C3orf22: variants seen among roughly 807,000 people sequenced by gnomAD.
C3orf22 encodes uncharacterized protein C3orf22.
A neutral mutation model predicts 10.8 loss-of-function variants in C3orf22; 7 were observed. The ratio of observed to expected loss-of-function variants is 0.65; its 90% CI spans 0.37 to 1.22. C3orf22 has a LOEUF of 1.22. Ranked by LOEUF, C3orf22 falls within the 50% of genes most tolerant of loss-of-function variation. C3orf22 has a pLI of 0.02. For synonymous variants in C3orf22, 79 were observed against 78.9 expected (o/e 1.00, Z 0.00); for missense variants, 173 against 177.0 (o/e 0.98, Z 0.13).
chr3:126,557,103 C>G (rs865932450), intron 1 of C3orf22, among the ~76,000 whole-genome samples: 13 of 152,288 alleles, frequency 8.5e-5, no homozygotes, highest in Middle Eastern at 3.4e-3. Context: ...TTCACACTCA[C>G]ACACAGACAC....
At chr3:126,532,271 T>A (rs1333571075) in intron 4 of C3orf22, among the ~76,000 whole-genome samples, 3 of 152,252 alleles carry the variant, frequency 2.0e-5, no homozygotes, top group Admixed American at 2.0e-4. Flanking sequence ...AATATTGATG[T>A]AGTTCAATTT....
intron 4 of C3orf22, chr3:126,529,377 G>T (rs956588536): frequency 7.8e-7 from 1 of 1,289,304 alleles, no homozygotes; most frequent in Non-Finnish European, 1.0e-6. Flanking sequence ...ACTTGCCTAC[G>T]GATGCCGCAA....
downstream of C3orf22, among the ~76,000 whole-genome samples, chr3:126,547,979 A>G (rs554312130): frequency 1.3e-5 from 2 of 152,292 alleles, no homozygotes; most frequent in Non-Finnish European, 2.9e-5. Context: ...TGTGGAGGGG[A>G]AAAAGTTGCA....
chr3:126,538,888 A>G (rs1936859869), intron 4 of C3orf22, among the ~76,000 whole-genome samples: 1 of 152,162 alleles, frequency 6.6e-6, no homozygotes, highest in African/African-American at 2.4e-5. Context: ...AAATGTAAGC[A>G]CATGACATGG....
At chr3:126,553,263 G>A (rs1395112522) in intron 2 of C3orf22, 39 bp downstream of exon 2, 2 of 1,422,726 alleles carry the variant, frequency 1.4e-6, no homozygotes, top group Non-Finnish European at 2.0e-6. Flanking sequence ...TGACCTGGGG[G>A]AGGCAGGGCT....
intron 4 of C3orf22, among the ~76,000 whole-genome samples, chr3:126,533,161 G>A (rs1219227769): frequency 1.3e-5 from 2 of 151,980 alleles, no homozygotes; most frequent in Admixed American, 1.3e-4. Flanking sequence ...TATATATACG[G>A]TTATGTCATC....
chr3:126,556,946 T>C (rs1937357166), intron 1 of C3orf22, among the ~76,000 whole-genome samples: 1 of 144,144 alleles, frequency 6.9e-6, no homozygotes, highest in East Asian at 2.1e-4. Context: ...ACTCACACAC[T>C]CATACACACA....
At chr3:126,552,887 T>A (rs1253678866) in intron 2 of C3orf22, among the ~76,000 whole-genome samples, 1 of 152,238 alleles carries the variant, frequency 6.6e-6, no homozygotes, top group Admixed American at 6.5e-5. Flanking sequence ...TCTGTCCTTA[T>A]GTGAAGTGCC....
At chr3:126,553,682 C>T (rs1937258307) in intron 1 of C3orf22, among the ~76,000 whole-genome samples, 1 of 152,218 alleles carries the variant, frequency 6.6e-6, no homozygotes, top group Non-Finnish European at 1.5e-5. Context: ...CTGTCCACAG[C>T]CCGGTTCCCC....
intron 4 of C3orf22, among the ~76,000 whole-genome samples, chr3:126,539,786 ACACACCACAGACAC>A (rs1936898034): frequency 1.3e-5 from 1 of 76,658 alleles, no homozygotes; most frequent in African/African-American, 5.8e-5. Flanking sequence ...CACACACACC[ACACACCACAGACAC>A]CACACCACAC....
downstream of C3orf22, chr3:126,549,668 C>A: frequency 1.3e-6 from 2 of 1,523,248 alleles, no homozygotes; most frequent in Non-Finnish European, 1.8e-6. Context: ...CTCAGGGAGG[C>A]AAAGTGATCA....
chr3:126,554,886 C>A (rs1174136124), intron 1 of C3orf22, among the ~76,000 whole-genome samples: 1 of 152,124 alleles, frequency 6.6e-6, no homozygotes, highest in Non-Finnish European at 1.5e-5. Context: ...CAGGTGGTGG[C>A]CTTTCTCTGG....
At chr3:126,555,938 C>T (rs1937318694) in intron 1 of C3orf22, among the ~76,000 whole-genome samples, 1 of 152,204 alleles carries the variant, frequency 6.6e-6, no homozygotes, top group Non-Finnish European at 1.5e-5. Context: ...TGAGGAATGT[C>T]TGCCTCCTCC....
chr3:126,547,279 A>G (rs758431208), downstream of C3orf22, among the ~76,000 whole-genome samples: 4 of 152,148 alleles, frequency 2.6e-5, no homozygotes, highest in Non-Finnish European at 4.4e-5. Context: ...CTTAGAGAGT[A>G]TTGCTGCACC....
In C3orf22 at chr3:126,552,077, C is replaced by T. The variant is rs1452278045; in HGVS notation, c.135G>A (p.Trp45Ter). 6.2e-7 allele frequency: 1 copy of T among 1,613,840 alleles called. No homozygotes were observed. The highest frequency in any genetic ancestry group is 1.3e-5 in the African/African-American group (1 of 74,904). Residue 45 changes from tryptophan (W) to a stop codon, truncating the protein, a stop_gained, in exon 3 of 4, where the codon TGG becomes TGA. Transcript: ENST00000318225. LOFTEE classifies it high-confidence loss of function. The stretch of plus-strand genomic sequence containing the variant: ...CCGTGTTCGAGTCGTTTGTGACCTC[C>T]CAGGGCTGCAGGGGCTCAGGGTCGG... Reference protein sequence around the residue: ...TEPDPEPLQPWEVTNDSNTVQ... With the variant: ...TEPDPEPLQP
At chr3:126,545,434 A>C (rs571635525), downstream of C3orf22, among the ~76,000 whole-genome samples, 1 of 152,296 alleles carries the variant, frequency 6.6e-6, no homozygotes, top group East Asian at 1.9e-4. Flanking sequence ...AACTTTCTGC[A>C]GTTATGGGGT....
At chr3:126,551,382 C>T (rs1054345780) in intron 3 of C3orf22, among the ~76,000 whole-genome samples, 3 of 152,170 alleles carry the variant, frequency 2.0e-5, no homozygotes, top group African/African-American at 7.2e-5. Flanking sequence ...TTCCCCGTGC[C>T]GTGCATGACT....
At chr3:126,555,536 A>C (rs1937306893) in intron 1 of C3orf22, among the ~76,000 whole-genome samples, 1 of 152,136 alleles carries the variant, frequency 6.6e-6, no homozygotes, top group Non-Finnish European at 1.5e-5. Flanking sequence ...TTAGATTCTC[A>C]TAGGAGCGCA....
chr3:126,544,264 C>T (rs186258745), intron 4 of C3orf22, among the ~76,000 whole-genome samples: 26 of 152,116 alleles, frequency 1.7e-4, no homozygotes, highest in South Asian at 6.2e-4. Flanking sequence ...GTACCACCTC[C>T]GGACTGTCCA....
Sources: allele counts gnomAD v4.1 joint callset (sites outside exome capture counted in the v4.1 genomes callset), GRCh38; gene constraint gnomAD v4.1.1; transcripts MANE v1.5; gene names NCBI Gene and HGNC (gene_info 2026-07-23, HGNC 2026-07-21).